The following ABCA13 variants were observed in gnomAD, a reference collection of about 807,000 sequenced individuals.
ABCA13 encodes the protein ATP binding cassette subfamily A member 13.
ABCA13 carries 476 observed loss-of-function variants against 478.7 expected under a neutral mutation model. The ratio of observed to expected loss-of-function variants is 0.99; its 90% confidence interval spans 0.92 to 1.07. The LOEUF (loss-of-function observed/expected upper bound fraction) is 1.07, where lower values mean the gene tolerates loss of function less well. Ranked by LOEUF, ABCA13 falls within the 50% of genes least tolerant of loss-of-function variation. The probability of loss-of-function intolerance (pLI) is 0.00; values close to 1 mark genes in which losing one functional copy is unlikely to be tolerated. For synonymous variants in ABCA13, 2,252 were observed against 2,158.9 expected (o/e 1.04, Z -1.20); for missense variants, 6,060 against 5,910.6 (o/e 1.03, Z -0.83).
At chr7:48,392,426 A>G (rs566490485) in intron 38 of ABCA13, among the ~76,000 whole-genome samples, 212 of 152,296 alleles carry the variant, frequency 1.4e-3, no homozygotes, top group African/African-American at 5.0e-3. Flanking sequence ...GTGTATCTGG[A>G]GTAAAAGGTC....
chr7:48,247,122 C>G (rs1482102721), intron 13 of ABCA13, among the ~76,000 whole-genome samples: 7 of 151,866 alleles, frequency 4.6e-5, no homozygotes, highest in Non-Finnish European at 8.8e-5. Context: ...CCTGTAATAC[C>G]AGCTACTCAG....
intron 15 of ABCA13, among the ~76,000 whole-genome samples, chr7:48,259,841 G>T (rs1793935086): frequency 6.6e-6 from 1 of 151,966 alleles, no homozygotes; most frequent in Admixed American, 6.6e-5. Context: ...GTCCCAAAAG[G>T]ATCTTATTTC....
chr7:48,240,135 A>G (rs765008819), intron 9 of ABCA13, among the ~76,000 whole-genome samples: 5 of 152,240 alleles, frequency 3.3e-5, no homozygotes, highest in African/African-American at 1.2e-4. Flanking sequence ...TGTGTCATGT[A>G]TAAAGGCCAA....
chr7:48,476,224 G>A (rs945121830), intron 45 of ABCA13, among the ~76,000 whole-genome samples: 3 of 152,012 alleles, frequency 2.0e-5, no homozygotes, highest in Non-Finnish European at 4.4e-5. Flanking sequence ...TTGGCCTCTG[G>A]TGACATTACA....
chr7:48,624,114 C>T (rs928567174), intron 59 of ABCA13, among the ~76,000 whole-genome samples: 2 of 148,576 alleles, frequency 1.3e-5, no homozygotes, highest in African/African-American at 5.0e-5. Flanking sequence ...CAGTTAATAA[C>T]AGAGGAGAGC....
chr7:48,380,840 C>CA (rs1021279812), intron 35 of ABCA13, among the ~76,000 whole-genome samples: 3 of 151,982 alleles, frequency 2.0e-5, no homozygotes, highest in African/African-American at 7.3e-5. Flanking sequence ...CTTTCACAAG[C>CA]AAAAAACCAA....
intron 58 of ABCA13, among the ~76,000 whole-genome samples, chr7:48,605,139 G>A (rs1023862466): frequency 1.3e-5 from 2 of 151,986 alleles, no homozygotes; most frequent in Non-Finnish European, 2.9e-5. Flanking sequence ...CATGAGATGG[G>A]TCTCCTGAAT....
intron 39 of ABCA13, among the ~76,000 whole-genome samples, chr7:48,410,266 T>G (rs1335618616): frequency 1.3e-5 from 2 of 151,684 alleles, no homozygotes; most frequent in Non-Finnish European, 2.9e-5. Flanking sequence ...CCAGTTTCAC[T>G]CTCCGTGCCT....
intron 27 of ABCA13, 21 bp downstream of exon 27, chr7:48,317,317 A>T: frequency 6.2e-7 from 1 of 1,607,516 alleles, no homozygotes; most frequent in South Asian, 1.1e-5. Context: ...ATAAATGAGA[A>T]TCATATAGAC....
chr7:48,591,304 T>C (rs902867011), intron 57 of ABCA13, among the ~76,000 whole-genome samples: 5 of 152,052 alleles, frequency 3.3e-5, no homozygotes, highest in South Asian at 2.1e-4. Flanking sequence ...GGTTTATTTC[T>C]GTACTGTCTA....
intron 55 of ABCA13, among the ~76,000 whole-genome samples, chr7:48,557,663 T>C (rs1487009512): frequency 2.6e-5 from 4 of 152,170 alleles, no homozygotes; most frequent in Admixed American, 6.5e-5. Flanking sequence ...GATTATTAAA[T>C]GGCTCAGAGT....
At chr7:48,375,569 A>T (rs1813335761) in intron 34 of ABCA13, among the ~76,000 whole-genome samples, 1 of 152,212 alleles carries the variant, frequency 6.6e-6, no homozygotes, top group Non-Finnish European at 1.5e-5. Context: ...CTAAAATTCT[A>T]AACCAGAACA....
chr7:48,407,731 A>G (rs1311309718), intron 39 of ABCA13, among the ~76,000 whole-genome samples: 1 of 151,600 alleles, frequency 6.6e-6, no homozygotes, highest in East Asian at 2.0e-4. Flanking sequence ...TAATTTTTAT[A>G]TTTTTTAGTA....
intron 59 of ABCA13, among the ~76,000 whole-genome samples, chr7:48,632,190 C>A (rs1463222130): frequency 6.6e-6 from 1 of 152,082 alleles, no homozygotes; most frequent in African/African-American, 2.4e-5. Flanking sequence ...TTGGCTAGGA[C>A]TTCTGGCTGC....
intron 17 of ABCA13, among the ~76,000 whole-genome samples, chr7:48,277,337 G>A (rs1796436057): frequency 6.6e-6 from 1 of 152,174 alleles, no homozygotes; most frequent in Non-Finnish European, 1.5e-5. Flanking sequence ...GAGAGCCACT[G>A]ACTATGAATA....
chr7:48,624,298 A>T (rs1051349132), intron 59 of ABCA13, among the ~76,000 whole-genome samples: 6 of 152,176 alleles, frequency 3.9e-5, no homozygotes, highest in Non-Finnish European at 7.3e-5. Flanking sequence ...GACACTGAGC[A>T]TATTCCCAAC....
chr7:48,421,716 C>T (rs1404255195), intron 41 of ABCA13, among the ~76,000 whole-genome samples: 1 of 152,164 alleles, frequency 6.6e-6, no homozygotes, highest in Non-Finnish European at 1.5e-5. Flanking sequence ...CTGAGGTTCC[C>T]TCATGGATAA....
intron 55 of ABCA13, among the ~76,000 whole-genome samples, chr7:48,529,555 G>A (rs184051158): frequency 2.0e-4 from 30 of 152,252 alleles, no homozygotes; most frequent in South Asian, 6.2e-4. Context: ...TTTCTGATCC[G>A]CAGAGATATT....
At chr7:48,628,888 C>T (rs562078263) in intron 59 of ABCA13, among the ~76,000 whole-genome samples, 13 of 152,146 alleles carry the variant, frequency 8.5e-5, no homozygotes, top group African/African-American at 1.2e-4. Context: ...CTGTAAAAGA[C>T]GAATCAGATG....
Sources: gnomAD v4.1 joint callset for allele counts (sites outside exome capture counted in the v4.1 genomes callset) on GRCh38, gnomAD v4.1.1 for gene constraint, MANE v1.5 for transcripts, NCBI Gene and HGNC (gene_info 2026-07-23, HGNC 2026-07-21) for gene names.